LRP2: variants seen among roughly 807,000 people sequenced by gnomAD.
LRP2 encodes low-density lipoprotein receptor-related protein 2.
A neutral mutation model predicts 531.0 loss-of-function variants in LRP2; 172 were observed. That is an observed-to-expected ratio of 0.32 (90% confidence interval 0.29 to 0.37). The LOEUF is 0.37. Ranked by LOEUF, LRP2 falls within the 10% of genes least tolerant of loss-of-function variation. The pLI, the probability that LRP2 is intolerant of heterozygous loss-of-function variation, is 1.00. For missense variants in LRP2, 5,167 were observed against 5,868.3 expected (o/e 0.88, Z 3.90); for synonymous variants, 1,992 against 2,027.6 (o/e 0.98, Z 0.47).
chr2:169,216,393 C>T lies in LRP2; in HGVS notation c.5686G>A (p.Val1896Ile), dbSNP rs139705387. The T allele has an allele frequency of 2.4e-5, 39 of 1,613,474 alleles. No homozygotes were observed. The African/African-American group carries it at 4.0e-4, about 17-fold the overall frequency. ...YWSDQGTDSG[V>I]PAKIASANMD... is the part of the protein sequence containing the mutation. ...TTAGCACTGGCGATCTTGGCAGGAA[C>T]CCCACTGTCAGTTCCTTGGTCTGAC... Residue 1896 changes from valine (V) to isoleucine (I), a missense_variant, in exon 35 of 79, where the codon GTT becomes ATT. Physicochemically the swap from Val to Ile is conservative, Grantham distance 29. This residue lies in a region of LRP2 where 2,811 missense variants were observed against 3,058.0 expected (regional missense o/e 0.92). Coordinates refer to ENST00000649046, the MANE Select transcript of LRP2 (RefSeq NM_004525.3).
intron 1 of LRP2, among the ~76,000 whole-genome samples, chr2:169,338,278 A>G (rs1685461207): frequency 7.6e-6 from 1 of 131,048 alleles, no homozygotes; most frequent in African/African-American, 3.2e-5. Flanking sequence ...AGAAAGAGAA[A>G]GAAAGAAAGA....
chr2:169,263,242 A>G (rs1690645842), intron 16 of LRP2, among the ~76,000 whole-genome samples: 1 of 152,210 alleles, frequency 6.6e-6, no homozygotes. Flanking sequence ...AAAATTGACA[A>G]ATGGGATCTA....
At position 169,206,940 on chromosome 2, in the gene LRP2, C is replaced by T. The variant is rs755044248; in HGVS notation, c.6780G>A (p.Arg2260=). 6.2e-7 allele frequency: 1 copy of T among 1,614,074 alleles called. No homozygotes were observed. Among genetic ancestry groups the T allele is most frequent in the Non-Finnish European group, 8.5e-7 (1 of 1,180,042 alleles). Reference sequence around the variant, plus strand: ...CAGAGTTCTCTCCATTGATACGAATCCTTGCAATTATATCTAAAGAATCAT... The same window carrying T: ...CAGAGTTCTCTCCATTGATACGAATTCTTGCAATTATATCTAAAGAATCAT... ...WVDDSLDIIA[R]IRINGENSEV... The change falls in exon 39 of 79, where the codon AGG becomes AGA. Residue 2260 remains arginine (R), a synonymous_variant. Coordinates refer to ENST00000649046, the MANE Select transcript of LRP2 (RefSeq NM_004525.3).
intron 7 of LRP2, 91 bp from the exon 8 acceptor site, chr2:169,291,088 T>C (rs185811352): frequency 4.4e-6 from 5 of 1,147,148 alleles, no homozygotes; most frequent in East Asian, 4.7e-5. Flanking sequence ...GTAGAGCAAG[T>C]TGAACAAGAG....
Position 169,181,587 on chromosome 2 carries a change from C to T in LRP2, c.10030G>A (p.Ala3344Thr), listed in dbSNP as rs137983840. The T allele has an allele frequency of 3.4e-4, 545 of 1,614,088 alleles. 1 individual carries two copies. The African/African-American group carries it at 5.3e-3, about 16-fold the overall frequency. The change falls in exon 52 of 79, where the codon GCA becomes ACA. Residue 3344 changes from alanine to threonine, a missense_variant. Around this residue, in one of 6 missense-constraint regions of LRP2, gnomAD observed 1,129 missense variants for 1,362.7 expected, o/e 0.83. Coordinates refer to ENST00000649046, the MANE Select transcript of LRP2 (RefSeq NM_004525.3). Reference protein sequence around the residue: ...YLYWADWGHRAYIGRVGMDGT... With the variant: ...YLYWADWGHRTYIGRVGMDGT... ...TCCATGCCTACTCTCCCAATGTATG[C>T]GCGGTGACCCCAGTCTGCCCAGTAG...
At chr2:169,333,576 G>T (rs1685324666) in intron 1 of LRP2, among the ~76,000 whole-genome samples, 2 of 152,086 alleles carry the variant, frequency 1.3e-5, no homozygotes, top group African/African-American at 4.8e-5. Context: ...ATCAAAAATT[G>T]TAATTTGTTT....
At chr2:169,358,898 C>CAAAAAAAA (rs777233354) in intron 1 of LRP2, among the ~76,000 whole-genome samples, 2 of 115,910 alleles carry the variant, frequency 1.7e-5, no homozygotes, top group Admixed American at 9.0e-5. Context: ...ACGATTTTCT[C>CAAAAAAAA]AAAAAAAAAA....
chr2:169,138,517 T>C, intron 75 of LRP2, 60 bp downstream of exon 75: 1 of 1,586,908 alleles, frequency 6.3e-7, no homozygotes, highest in South Asian at 1.1e-5. Flanking sequence ...TTGTTCTTTA[T>C]AAAAAGTATT....
At position 169,279,548 on chromosome 2, in the gene LRP2, A is replaced by G; in HGVS notation, c.1389T>C (p.Asn463=). 1.2e-6 allele frequency: 2 copies of G among 1,614,036 alleles called. No homozygotes were observed. The highest frequency in any genetic ancestry group is 1.1e-5 in the South Asian group (1 of 91,080). Residue 463 remains asparagine, a synonymous_variant, in exon 12 of 79, where the codon AAT becomes AAC. Transcript: ENST00000649046. ...INGLNIQEVL[N]VSVETPENLA... ...GGTTCTCTGGGGTTTCAACAGAAAC[A>G]TTGAGAACCTCTTGGATATTTAAAC...
At chr2:169,278,699 T>C (rs1359239720) in intron 12 of LRP2, among the ~76,000 whole-genome samples, 1 of 152,244 alleles carries the variant, frequency 6.6e-6, no homozygotes, top group South Asian at 2.1e-4. Context: ...AACTGAATAA[T>C]CATCATTCAC....
At chr2:169,156,460 G>T in intron 64 of LRP2, 55 bp from the exon 65 acceptor site, 1 of 1,608,220 alleles carries the variant, frequency 6.2e-7, no homozygotes, top group Non-Finnish European at 8.5e-7. Context: ...ATTCCTTAGA[G>T]ATCTTGCTTC....
At chr2:169,185,065 A>G (rs1687586754) in intron 50 of LRP2, among the ~76,000 whole-genome samples, 1 of 152,126 alleles carries the variant, frequency 6.6e-6, no homozygotes, top group Non-Finnish European at 1.5e-5. Context: ...CCGGCCAATG[A>G]CAAGTATTGT....
In LRP2 at chr2:169,128,731, T is replaced by C. The variant is rs1185327531; in HGVS notation, c.13900A>G (p.Thr4634Ala). 1.2e-6 allele frequency: 2 copies of C among 1,614,108 alleles called. No homozygotes were observed. The highest frequency in any genetic ancestry group is 1.1e-5 in the South Asian group (1 of 91,074). ...AAAGTGTCTTCTGTTGCAGAATAGG[T>C]TGGAGTTGGGTCTCTTCTCGAAGGA... Reference protein sequence around the residue: ...KPPSRRDPTPTYSATEDTFKD... With the variant: ...KPPSRRDPTPAYSATEDTFKD... Residue 4634 changes from threonine (T) to alanine (A), a missense_variant, in exon 79 of 79, where the codon ACC becomes GCC. Coordinates refer to ENST00000649046, the MANE Select transcript of LRP2 (RefSeq NM_004525.3).
At chr2:169,255,893 C>T (rs528181011) in intron 19 of LRP2, among the ~76,000 whole-genome samples, 6 of 152,130 alleles carry the variant, frequency 3.9e-5, no homozygotes, top group South Asian at 2.1e-4. Context: ...CAACATTATA[C>T]GAATATATAC....
Position 169,259,056 on chromosome 2 carries a change from G to T in LRP2, c.2482C>A (p.Pro828Thr). 1 of 1,613,210 alleles carries T rather than the reference G, an allele frequency of 6.2e-7. No individual in the cohort carries two copies. The highest frequency in any genetic ancestry group is 1.7e-4 in the Middle Eastern group (1 of 6,056). ...RRTVVQYLNN[P>T]RSVVVHPFAG... ...AAAGGATGAACTACCACCGACCGTG[G>T]GTTATTTAAATACTGAACTACTGTG... The change falls in exon 17 of 79, where the codon CCA becomes ACA. Residue 828 changes from proline to threonine, a missense_variant. Pro to Thr is a conservative substitution (Grantham distance 38). Coordinates refer to ENST00000649046, the MANE Select transcript of LRP2 (RefSeq NM_004525.3).
rs759833611 is a variant in LRP2 at position 169,243,017 on chromosome 2, G to T, written c.3606C>A (p.Gly1202=). The T allele has an allele frequency of 1.9e-6, 3 of 1,613,960 alleles. No homozygotes were observed. Among genetic ancestry groups the T allele is most frequent in the Middle Eastern group, 1.6e-4 (1 of 6,084 alleles). The change falls in exon 24 of 79, where the codon GGC becomes GGA. Residue 1202 remains glycine, a synonymous_variant. Coordinates refer to ENST00000649046, the MANE Select transcript of LRP2 (RefSeq NM_004525.3). The part of the protein sequence containing the change: ...FKCASGDKCI[G]VTNRCDGVFD... The stretch of plus-strand genomic sequence containing the variant: ...AAACACCATCACAACGATTTGTGAC[G>T]CCAATACATTTATCCCCACTGGCAC...
At chr2:169,177,745 A>C in intron 53 of LRP2, 58 bp downstream of exon 53, 1 of 1,389,802 alleles carries the variant, frequency 7.2e-7, no homozygotes, top group Non-Finnish European at 1.0e-6. Flanking sequence ...CTTAAAGACA[A>C]TCATGACATG....
Position 169,197,035 on chromosome 2 carries a change from A to G in LRP2, c.8579-5T>C. 7 of 1,613,580 alleles carry G rather than the reference A, an allele frequency of 4.3e-6. No individual in the cohort carries two copies. Among genetic ancestry groups the G allele is most frequent in the Non-Finnish European group, 5.9e-6 (7 of 1,179,920 alleles). On this transcript the variant is annotated splice_polypyrimidine_tract_variant and splice_region_variant and intron_variant, in intron 45 of 78. Transcript: ENST00000649046. ...TGCTGCTGCACGTGTGAGTGGCTGC[A>G]GGAGGGAAAGAAGATAAAACCCATG... is the stretch of plus-strand genomic sequence containing the variant.
chr2:169,294,715 T>C lies in LRP2; in HGVS notation c.428-5A>G. 3 of 1,093,706 alleles carry C rather than the reference T, an allele frequency of 2.7e-6. No homozygotes were observed. Among genetic ancestry groups the C allele is most frequent in the Non-Finnish European group, 3.7e-6 (3 of 804,136 alleles). The allele number at this position is 1,093,706 out of a possible 1,614,324, so 67.8% of individuals were successfully genotyped here. A position where few individuals can be genotyped will look rare whatever the true frequency, so the allele number is the denominator to read the frequency against. ...GCTGCTCACATGTTGGGTACTCTATTGTAAAAAAAAAAAAAAAAAAAAAAA... is the reference window on the plus strand; with the variant it reads ...GCTGCTCACATGTTGGGTACTCTATCGTAAAAAAAAAAAAAAAAAAAAAAA... On this transcript the variant is annotated splice_polypyrimidine_tract_variant and splice_region_variant and intron_variant, in intron 4 of 78. Transcript: ENST00000649046.
Sources: allele counts gnomAD v4.1 joint callset (sites outside exome capture counted in the v4.1 genomes callset), GRCh38; gene constraint gnomAD v4.1.1; regional missense constraint gnomAD v4.1.1; transcripts MANE v1.5; gene names NCBI Gene and HGNC (gene_info 2026-07-23, HGNC 2026-07-21).